CSPP1: variants seen among roughly 807,000 people sequenced by gnomAD.
CSPP1 encodes centrosome and spindle pole-associated protein 1.
In CSPP1, 126 loss-of-function variants were observed where a neutral mutation model predicts 164.4. The observed-to-expected ratio is 0.77, with a 90% confidence interval of 0.66 to 0.89. The LOEUF (loss-of-function observed/expected upper bound fraction) is 0.89. Among genes scored for constraint, CSPP1 ranks in the 40% least tolerant of loss-of-function variants. The pLI is 0.00. For synonymous variants in CSPP1, 472 were observed against 476.7 expected (o/e 0.99, Z 0.13); for missense variants, 1,395 against 1,449.8 (o/e 0.96, Z 0.61).
chr8:67,135,062 CTGT>C, intron 16 of CSPP1: 1 of 152,344 alleles, frequency 6.6e-6, no homozygotes. Flanking sequence ...CATTGAATAT[CTGT>C]TGTTTAGTGG....
chr8:67,095,165 A>T, intron 6 of CSPP1, 128 bp from the exon 7 acceptor site: 1 of 491,896 alleles, frequency 2.0e-6, no homozygotes, highest in Non-Finnish European at 3.5e-6. Flanking sequence ...TATATATATA[A>T]ATATATGGGT....
Position 67,115,902 on chromosome 8 carries a change from T to C in CSPP1, c.1288-12T>C, listed in dbSNP as rs1439832859. 2 of 1,607,714 alleles carry C rather than the reference T, an allele frequency of 1.2e-6. No homozygotes were observed. Among genetic ancestry groups the C allele is most frequent in the African/African-American group, 2.7e-5 (2 of 74,852 alleles). ...TTATATGTAACAAACAGATTTTTTTTCTTTATTTTAGCCTGATAGACTAAA... is the reference window on the plus strand; with the variant it reads ...TTATATGTAACAAACAGATTTTTTTCCTTTATTTTAGCCTGATAGACTAAA... On this transcript the variant is annotated splice_polypyrimidine_tract_variant and intron_variant, in intron 12 of 30. Transcript: ENST00000678616.
intron 24 of CSPP1, among the ~76,000 whole-genome samples, chr8:67,171,628 G>GCCT (rs1830482755): frequency 6.7e-6 from 1 of 149,818 alleles, no homozygotes; most frequent in African/African-American, 2.5e-5. Flanking sequence ...GCTCACCACA[G>GCCT]CCTCCTCCTC....
intron 24 of CSPP1, among the ~76,000 whole-genome samples, chr8:67,167,354 C>G (rs1191668462): frequency 2.7e-5 from 4 of 150,866 alleles, no homozygotes; most frequent in African/African-American, 9.8e-5. Context: ...GGAGGCTGCC[C>G]CCCACCTCCC....
chr8:67,078,284 C>T (rs1315320015), intron 3 of CSPP1, among the ~76,000 whole-genome samples: 2 of 152,058 alleles, frequency 1.3e-5, no homozygotes, highest in Non-Finnish European at 2.9e-5. Flanking sequence ...AAGTTAAATA[C>T]GTGAAAAGAT....
At chr8:67,129,538 G>A (rs1331783086) in intron 15 of CSPP1, among the ~76,000 whole-genome samples, 1 of 152,120 alleles carries the variant, frequency 6.6e-6, no homozygotes, top group African/African-American at 2.4e-5. Context: ...AAAATAACAT[G>A]TAGATGCAAA....
intron 4 of CSPP1, among the ~76,000 whole-genome samples, chr8:67,089,019 T>C (rs1811063056): frequency 6.6e-6 from 1 of 151,962 alleles, no homozygotes; most frequent in African/African-American, 2.4e-5. Context: ...AAAAGAAAAC[T>C]ACACAGACTA....
intron 1 of CSPP1, chr8:67,065,563 T>C (rs1387902889): frequency 1.0e-6 from 1 of 959,222 alleles, no homozygotes; most frequent in Non-Finnish European, 1.2e-6. Context: ...CATATCATTC[T>C]TCTCCCTAGG....
intron 24 of CSPP1, among the ~76,000 whole-genome samples, chr8:67,171,996 C>T (rs1240657264): frequency 2.6e-5 from 4 of 151,708 alleles, no homozygotes; most frequent in African/African-American, 4.8e-5. Flanking sequence ...TACAGGTGTG[C>T]GCCATCACAC....
intron 15 of CSPP1, among the ~76,000 whole-genome samples, chr8:67,125,212 G>C (rs532195899): frequency 6.6e-6 from 1 of 152,178 alleles, no homozygotes; most frequent in Non-Finnish European, 1.5e-5. Flanking sequence ...TCTTAATTTA[G>C]CTTTCATTTT....
intron 4 of CSPP1, among the ~76,000 whole-genome samples, chr8:67,087,515 T>C (rs1292198671): frequency 6.6e-6 from 1 of 152,164 alleles, no homozygotes; most frequent in African/African-American, 2.4e-5. Flanking sequence ...ATAGTCCTCA[T>C]AGTGGGAATT....
intron 30 of CSPP1, among the ~76,000 whole-genome samples, chr8:67,194,985 AAAAAG>A (rs929325398): frequency 6.6e-6 from 1 of 151,652 alleles, no homozygotes; most frequent in Non-Finnish European, 1.5e-5. Flanking sequence ...TAAAAAAAAT[AAAAAG>A]AAAAAAGAAA....
At chr8:67,142,960 T>G (rs1049150273) in intron 17 of CSPP1, among the ~76,000 whole-genome samples, 6 of 152,186 alleles carry the variant, frequency 3.9e-5, no homozygotes, top group Non-Finnish European at 8.8e-5. Context: ...CTTCACCTTG[T>G]TTCCCCTGAC....
At chr8:67,119,341 C>CT (rs1818545986) in intron 15 of CSPP1, among the ~76,000 whole-genome samples, 1 of 152,122 alleles carries the variant, frequency 6.6e-6, no homozygotes, top group Non-Finnish European at 1.5e-5. Flanking sequence ...AATAATGCTG[C>CT]TGTGAACATG....
At chr8:67,093,704 G>T in intron 6 of CSPP1, 63 bp downstream of exon 6, 2 of 942,156 alleles carry the variant, frequency 2.1e-6, no homozygotes, top group South Asian at 1.8e-5. Flanking sequence ...TTTTGTACTT[G>T]AAAAGCTTTT....
rs538405565 is a variant in CSPP1 at position 67,138,859 on chromosome 8, C to T, written c.1975+1256C>T. Among the ~76,000 whole-genome samples the T allele has an allele frequency of 2.3e-3, 353 of 151,838 alleles. 1 individual carries two copies. Among genetic ancestry groups the T allele is most frequent in the African/African-American group, 8.0e-3 (333 of 41,480 alleles). On this transcript the variant is annotated intron_variant, in intron 17 of 30. Coordinates refer to ENST00000678616, the MANE Select transcript of CSPP1 (RefSeq NM_001382391.1). ...CTTTTGGTGTTTTAGACATGAAGTCCTTGCCCATGCCTATGTCCTGAATGG... is the reference window on the plus strand; with the variant it reads ...CTTTTGGTGTTTTAGACATGAAGTCTTTGCCCATGCCTATGTCCTGAATGG...
intron 26 of CSPP1, among the ~76,000 whole-genome samples, chr8:67,176,597 G>T (rs1249241406): frequency 6.6e-6 from 1 of 152,130 alleles, no homozygotes; most frequent in Non-Finnish European, 1.5e-5. Context: ...CAGTCTGGTG[G>T]CATTTTTCTT....
At chr8:67,069,544 A>G (rs1806272619) in intron 1 of CSPP1, among the ~76,000 whole-genome samples, 1 of 152,132 alleles carries the variant, frequency 6.6e-6, no homozygotes, top group Non-Finnish European at 1.5e-5. Flanking sequence ...GTAAATGAAC[A>G]TGTTAAATTA....
chr8:67,115,727 G>A (rs1049219804), intron 12 of CSPP1, among the ~76,000 whole-genome samples, 187 bp from the exon 13 acceptor site: 2 of 151,950 alleles, frequency 1.3e-5, no homozygotes, highest in African/African-American at 2.4e-5. Flanking sequence ...GTCTTTTATA[G>A]CTGTAAAATT....
Sources: allele counts gnomAD v4.1 joint callset (sites outside exome capture counted in the v4.1 genomes callset), GRCh38; gene constraint gnomAD v4.1.1; transcripts MANE v1.5; gene names NCBI Gene and HGNC (gene_info 2026-07-23, HGNC 2026-07-21).